ALG8: variants seen among roughly 807,000 people sequenced by gnomAD.
ALG8 encodes the protein dolichyl pyrophosphate Glc1Man9GlcNAc2 alpha-1,3-glucosyltransferase.
ALG8 carries 48 observed loss-of-function variants against 70.2 expected under a neutral mutation model. The observed-to-expected ratio is 0.68, with a 90% CI of 0.54 to 0.87. The LOEUF (loss-of-function observed/expected upper bound fraction) is 0.87, where lower values mean the gene tolerates loss of function less well. Ranked by LOEUF, ALG8 falls within the 40% of genes least tolerant of loss-of-function variation. The pLI is 0.00. For synonymous variants in ALG8, 234 were observed against 229.0 expected (o/e 1.02, Z -0.20); for missense variants, 572 against 608.7 (o/e 0.94, Z 0.64).
At chr11:78,133,036 C>T (rs929681517) in intron 1 of ALG8, among the ~76,000 whole-genome samples, 3 of 152,018 alleles carry the variant, frequency 2.0e-5, no homozygotes, top group African/African-American at 7.2e-5. Context: ...GGGGTTTCAT[C>T]GTGTTAACCA....
chr11:78,129,386 C>G (rs1408561668), intron 1 of ALG8, among the ~76,000 whole-genome samples: 5 of 149,240 alleles, frequency 3.4e-5, no homozygotes, highest in Non-Finnish European at 7.4e-5. Flanking sequence ...CGCCACTGCA[C>G]TCCAGCCTGG....
chr11:78,111,036 T>C lies in ALG8; in HGVS notation c.899-1455A>G, dbSNP rs1477264296. Among the ~76,000 whole-genome samples the C allele has an allele frequency of 2.0e-5, 3 of 152,226 alleles. No individual in the cohort carries two copies. The South Asian group carries it at 6.2e-4, about 32-fold the overall frequency. ...GAAATATGAATGTTAGGAATTACTC[T>C]GTAAGAATGCCATGTACATCAAGGC... On this transcript the variant is annotated intron_variant, in intron 8 of 12. Transcript: ENST00000299626.
chr11:78,121,532 G>A (rs1376173732), intron 3 of ALG8, among the ~76,000 whole-genome samples: 1 of 144,086 alleles, frequency 6.9e-6, no homozygotes, highest in African/African-American at 2.6e-5. Flanking sequence ...CAGCCTGGGC[G>A]ACATAGTAAG....
At chr11:78,118,274 C>T (rs1158359198) in intron 5 of ALG8, among the ~76,000 whole-genome samples, 1 of 152,054 alleles carries the variant, frequency 6.6e-6, no homozygotes, top group Admixed American at 6.6e-5. Flanking sequence ...ATTGTAAAGA[C>T]TGCTGCTAGA....
intron 1 of ALG8, among the ~76,000 whole-genome samples, chr11:78,133,770 G>C (rs559954766): frequency 6.6e-6 from 1 of 151,946 alleles, no homozygotes; most frequent in Non-Finnish European, 1.5e-5. Flanking sequence ...GGCTTGGTGA[G>C]GGGCGCCTGT....
intron 2 of ALG8, among the ~76,000 whole-genome samples, chr11:78,126,351 G>T (rs2511163): frequency 0.86 from 129,629 of 151,418 alleles, 55,803 homozygotes; most frequent in African/African-American, 0.93. Flanking sequence ...GCCAACATGG[G>T]GAAACCCCCT....
intron 12 of ALG8, among the ~76,000 whole-genome samples, chr11:78,102,371 T>C (rs914879181): frequency 3.3e-5 from 5 of 152,242 alleles, no homozygotes; most frequent in Admixed American, 6.5e-5. Context: ...GATTCATTCA[T>C]GTAGCATGTA....
rs1590804257 is a variant in ALG8 at position 78,104,802 on chromosome 11, A to G, written c.1179-349T>C. ...AACATGGTGAAACCCTGTCTCTGCT[A>G]AAAATACAAAAATTAGCTGGGCATG... On this transcript the variant is annotated intron_variant, in intron 10 of 12. Transcript: ENST00000299626. 2.0e-5 allele frequency among the ~76,000 whole-genome samples: 3 copies of G among 152,050 alleles called. No homozygotes were observed. In the East Asian group the frequency reaches 5.8e-4, roughly 29 times the overall value.
intron 1 of ALG8, chr11:78,137,181 T>C (rs1297152732): frequency 6.6e-6 from 1 of 152,302 alleles, no homozygotes; most frequent in Non-Finnish European, 1.5e-5. Context: ...GTCCGGCCGA[T>C]GGCTTCTTTT....
intron 5 of ALG8, among the ~76,000 whole-genome samples, chr11:78,118,080 A>G (rs1860660251): frequency 6.6e-6 from 1 of 151,904 alleles, no homozygotes; most frequent in Admixed American, 6.6e-5. Context: ...CAAAAAAAAA[A>G]AAAAAGAAAA....
At chr11:78,125,806 CA>C (rs1205198979) in intron 2 of ALG8, among the ~76,000 whole-genome samples, 1 of 151,742 alleles carries the variant, frequency 6.6e-6, no homozygotes, top group African/African-American at 2.4e-5. Flanking sequence ...GACTTCGTCT[CA>C]AAAGAAAAGA....
At chr11:78,137,761 G>T (rs1861609827) in intron 1 of ALG8, 2 of 152,128 alleles carry the variant, frequency 1.3e-5, no homozygotes, top group African/African-American at 4.8e-5. Context: ...TAGTATCAAA[G>T]ATCACTGATT....
chr11:78,125,580 A>G (rs1861029897), intron 2 of ALG8, among the ~76,000 whole-genome samples: 1 of 148,500 alleles, frequency 6.7e-6, no homozygotes, highest in Admixed American at 6.7e-5. Context: ...AGCCTGACCA[A>G]CGTGGTGAAA....
chr11:78,119,859 TG>T (rs1235956683), intron 4 of ALG8, among the ~76,000 whole-genome samples: 1 of 152,176 alleles, frequency 6.6e-6, no homozygotes, highest in African/African-American at 2.4e-5. Flanking sequence ...CCCAGCATTT[TG>T]GGAGGCTGAC....
rs548539130 is a variant in ALG8 at position 78,126,027 on chromosome 11, C to T, written c.174+1331G>A. Among the ~76,000 whole-genome samples, 49 of 150,514 alleles carry T rather than the reference C, an allele frequency of 3.3e-4. No individual in the cohort carries two copies. The South Asian group carries it at 4.9e-3, about 15-fold the overall frequency. On this transcript the variant is annotated intron_variant, in intron 2 of 12. Coordinates refer to ENST00000299626, the MANE Select transcript of ALG8 (RefSeq NM_024079.5). ...ACAAAAAATTAGCCTGGCATGGTGG[C>T]GGGCGCCTGTAGTCCCAGCTACTCA...
chr11:78,114,072 G>C, intron 6 of ALG8, 83 bp from the exon 7 acceptor site: 1 of 1,401,742 alleles, frequency 7.1e-7, no homozygotes, highest in Non-Finnish European at 9.9e-7. Flanking sequence ...AAAACTAGAA[G>C]TATCCCACAA....
chr11:78,135,383 T>G (rs1364268055), intron 1 of ALG8: 2 of 150,612 alleles, frequency 1.3e-5, no homozygotes, highest in African/African-American at 4.9e-5. Context: ...ACTACTCAAC[T>G]GGCTGCAGAA....
intron 1 of ALG8, among the ~76,000 whole-genome samples, chr11:78,130,361 A>AAAAAAAAAAAAAAAAAAAG (rs928560857): frequency 1.5e-5 from 2 of 132,636 alleles, no homozygotes; most frequent in African/African-American, 6.3e-5. Flanking sequence ...AAAAAAAAAA[A>AAAAAAAAAAAAAAAAAAAG]AAAAAAGGTG....
chr11:78,112,544 A>G, intron 8 of ALG8, 106 bp downstream of exon 8: 1 of 1,542,210 alleles, frequency 6.5e-7, no homozygotes, highest in South Asian at 1.1e-5. Context: ...AGGACTGGAG[A>G]ACAAACAATT....
Sources: allele counts gnomAD v4.1 joint callset (sites outside exome capture counted in the v4.1 genomes callset), GRCh38; gene constraint gnomAD v4.1.1; transcripts MANE v1.5; gene names NCBI Gene and HGNC (gene_info 2026-07-23, HGNC 2026-07-21).